The following SLC8B1 variants were observed in gnomAD, a reference collection of about 807,000 sequenced individuals.
The protein encoded by SLC8B1 is solute carrier family 8 member B1, also known as mitochondrial sodium/calcium exchanger protein.
Under a neutral mutation model 63.4 loss-of-function variants are expected in SLC8B1, and 52 were observed. That is an observed-to-expected ratio of 0.82 (90% confidence interval 0.66 to 1.03). The LOEUF is 1.03. Ranked by LOEUF, SLC8B1 falls within the 50% of genes least tolerant of loss-of-function variation. The pLI is 0.00. For synonymous variants in SLC8B1, 336 were observed against 323.9 expected, an observed-to-expected ratio of 1.04 and a Z score of -0.40; for missense variants, 657 against 741.7, an observed-to-expected ratio of 0.89 and a Z score of 1.33.
Position 113,315,422 on chromosome 12 carries a change from C to T in SLC8B1, c.1048G>A (p.Asp350Asn), listed in dbSNP as rs775601162. The change falls in exon 11 of 16, where the codon GAT becomes AAT. Residue 350 changes from aspartate to asparagine, a missense_variant. Physicochemically the swap from Asp to Asn is conservative, Grantham distance 23. Coordinates refer to ENST00000680972, the MANE Select transcript of SLC8B1 (RefSeq NM_001358345.2). ...LTVPVVDPDK[D>N]DQNWKRPLNC... is the part of the protein sequence containing the mutation. ...AGGGGCCGTTTCCAGTTCTGGTCAT[C>T]CTTGTCCGGGTCCACGACGGGGACT... The T allele has an allele frequency of 3.1e-6, 5 of 1,597,296 alleles. No individual in the cohort carries two copies. The South Asian group carries it at 5.7e-5, about 18-fold the overall frequency.
intron 11 of SLC8B1, among the ~76,000 whole-genome samples, chr12:113,311,449 CA>C (rs796106526): frequency 1.6e-4 from 23 of 141,912 alleles, no homozygotes; most frequent in East Asian, 6.1e-4. Flanking sequence ...GACTCCATCT[CA>C]AAAAAAAAAA....
Position 113,320,885 on chromosome 12 carries a change from T to A in SLC8B1, c.385A>T (p.Ile129Phe), listed in dbSNP as rs1956917193. 1 of 1,607,148 alleles carries A rather than the reference T, an allele frequency of 6.2e-7. No homozygotes were observed. Residue 129 changes from isoleucine to phenylalanine, a missense_variant, in exon 5 of 16, where the codon ATT becomes TTT. Coordinates refer to ENST00000680972, the MANE Select transcript of SLC8B1 (RefSeq NM_001358345.2). This position sits in a 1 kb window ranked among gnomAD's most constrained non-coding sequence, Gnocchi z 5.3. Reference sequence around the variant, plus strand: ...TGGGAGAGCTTCAGTGTGGTAGAAATGGCCGACAAGTTGGGGCAGAAACTA... The same window carrying A: ...TGGGAGAGCTTCAGTGTGGTAGAAAAGGCCGACAAGTTGGGGCAGAAACTA... ...AKFFCPNLSA[I>F]STTLKLSHNV...
At chr12:113,310,434 T>G (rs1403590443) in intron 11 of SLC8B1, 79 bp from the exon 12 acceptor site, 1 of 1,539,864 alleles carries the variant, frequency 6.5e-7, no homozygotes, top group Admixed American at 2.0e-5. Context: ...GGATGTCAGG[T>G]AGACACTTCC....
intron 8 of SLC8B1, 115 bp downstream of exon 8, chr12:113,318,849 A>G: frequency 1.4e-6 from 1 of 736,274 alleles, no homozygotes; most frequent in Non-Finnish European, 2.3e-6. Context: ...AAAGAGCATG[A>G]AGAGGAGATG....
In SLC8B1 at chr12:113,304,454, C is replaced by G; in HGVS notation, c.1493-69G>C. On this transcript the variant is annotated intron_variant, in intron 14 of 15. Transcript: ENST00000680972. Reference sequence around the variant, plus strand: ...AACCCAACCACATAGCCCGTTCCTCCTACTGTGTTCATCCCCAGGGCTTGG... The same window carrying G: ...AACCCAACCACATAGCCCGTTCCTCGTACTGTGTTCATCCCCAGGGCTTGG... 21 of 1,422,534 alleles carry G rather than the reference C, an allele frequency of 1.5e-5. 1 individual carries two copies. In the South Asian group the frequency reaches 2.3e-4, roughly 16 times the overall value. The allele number at this position is 1,422,534 out of a possible 1,614,324, so 88.1% of individuals were successfully genotyped here.
intron 2 of SLC8B1, among the ~76,000 whole-genome samples, chr12:113,329,264 C>T (rs563378924): frequency 2.0e-5 from 3 of 152,198 alleles, no homozygotes; most frequent in Middle Eastern, 3.2e-3. Context: ...TGCCCAGGAG[C>T]ACACAGCCCA....
intron 2 of SLC8B1, among the ~76,000 whole-genome samples, chr12:113,329,335 GA>G (rs950345341): frequency 6.6e-6 from 1 of 152,162 alleles, no homozygotes; most frequent in Admixed American, 6.5e-5. Context: ...AGCTCCTGAG[GA>G]AACTGCCCAA....
chr12:113,306,537 G>C lies in SLC8B1; in HGVS notation c.1450C>G (p.Pro484Ala). Reference sequence around the variant, plus strand: ...AAGCAGGCGGAGAACGCCATCCGTGGGTAGCCCTGGCGAGCCAGTGTGAAA... The same window carrying C: ...AAGCAGGCGGAGAACGCCATCCGTGCGTAGCCCTGGCGAGCCAGTGTGAAA... ...SDFTLARQGY[P>A]RMAFSACFGG... The change falls in exon 14 of 16, where the codon CCA becomes GCA. Residue 484 changes from proline (P) to alanine (A), a missense_variant. Transcript: ENST00000680972. 1.2e-6 allele frequency: 2 copies of C among 1,613,998 alleles called. No homozygotes were observed. The highest frequency in any genetic ancestry group is 1.7e-6 in the Non-Finnish European group (2 of 1,179,980).
At chr12:113,303,921 C>T (rs775612582) in intron 15 of SLC8B1, among the ~76,000 whole-genome samples, 8 of 152,164 alleles carry the variant, frequency 5.3e-5, no homozygotes, top group Non-Finnish European at 8.8e-5. Context: ...CACTCTGTCG[C>T]CCAGGCTGGA....
chr12:113,310,148 A>G, intron 12 of SLC8B1, 86 bp downstream of exon 12: 2 of 1,507,148 alleles, frequency 1.3e-6, no homozygotes, highest in Non-Finnish European at 1.8e-6. Context: ...AAACTGGTCA[A>G]AGTGCCTCAG....
chr12:113,299,890 G>GC lies in SLC8B1; in HGVS notation c.1641dup (p.Gln548AlafsTer28). 6.2e-7 allele frequency: 1 copy of GC among 1,614,240 alleles called. No individual in the cohort carries two copies. Among genetic ancestry groups the GC allele is most frequent in the Non-Finnish European group, 8.5e-7 (1 of 1,180,040 alleles). The stretch of plus-strand genomic sequence containing the variant: ...TAGACTCTGCTGAGCTGGAAGCACT[G>GC]CAATGGGACTGAGACCAGGGAGAAG... On this transcript the variant is annotated frameshift_variant, in exon 16 of 16. Coordinates refer to ENST00000680972, the MANE Select transcript of SLC8B1 (RefSeq NM_001358345.2). LOFTEE classifies it high-confidence loss of function.
intron 11 of SLC8B1, among the ~76,000 whole-genome samples, chr12:113,310,847 C>A (rs1956748516): frequency 6.6e-6 from 1 of 152,206 alleles, no homozygotes; most frequent in Non-Finnish European, 1.5e-5. Flanking sequence ...AAGGGAGACA[C>A]CCTAAGGTGA....
rs531848662 is a variant in SLC8B1 at position 113,320,543 on chromosome 12, G to A, written c.526+38C>T. The A allele has an allele frequency of 6.2e-7, 1 of 1,613,906 alleles. No individual in the cohort carries two copies. The highest frequency in any genetic ancestry group is 1.1e-5 in the South Asian group (1 of 91,080). On this transcript the variant is annotated intron_variant, in intron 6 of 15. Coordinates refer to ENST00000680972, the MANE Select transcript of SLC8B1 (RefSeq NM_001358345.2). This position sits in a 1 kb window ranked among gnomAD's most constrained non-coding sequence, Gnocchi z 5.3. ...GCTCAGCCACCCTGCACCCTCTCCTGCTGCTTTCCCCGCCCCCCTCACTGG... is the reference window on the plus strand; with the variant it reads ...GCTCAGCCACCCTGCACCCTCTCCTACTGCTTTCCCCGCCCCCCTCACTGG...
intron 2 of SLC8B1, among the ~76,000 whole-genome samples, chr12:113,324,505 C>T (rs1956972947): frequency 6.7e-6 from 1 of 148,288 alleles, no homozygotes; most frequent in African/African-American, 2.5e-5. Flanking sequence ...CTCTCGGGTT[C>T]AACTGATTCT....
At chr12:113,308,006 G>T in intron 12 of SLC8B1, 162 bp from the exon 13 acceptor site, 2 of 804,162 alleles carry the variant, frequency 2.5e-6, no homozygotes, top group Non-Finnish European at 3.7e-6. Flanking sequence ...CAAAGTTAGT[G>T]CTCAATAAAA....
At chr12:113,328,745 CTT>C (rs557008297) in intron 2 of SLC8B1, among the ~76,000 whole-genome samples, 1 of 139,744 alleles carries the variant, frequency 7.2e-6, no homozygotes. Flanking sequence ...CTCCCAGTTA[CTT>C]TTTTTTTTTT....
intron 9 of SLC8B1, 49 bp from the exon 10 acceptor site, chr12:113,316,705 T>G: frequency 6.2e-7 from 1 of 1,602,364 alleles, no homozygotes; most frequent in South Asian, 1.1e-5. Flanking sequence ...TGACTTGCTC[T>G]CCAGGAAACC....
At chr12:113,326,128 T>C (rs1241410123) in intron 2 of SLC8B1, among the ~76,000 whole-genome samples, 4 of 152,204 alleles carry the variant, frequency 2.6e-5, no homozygotes, top group Non-Finnish European at 4.4e-5. Context: ...TTTAAATGGT[T>C]GGGAGACATA....
intron 11 of SLC8B1, among the ~76,000 whole-genome samples, chr12:113,311,036 C>G (rs562407077): frequency 6.6e-6 from 1 of 152,124 alleles, no homozygotes; most frequent in Non-Finnish European, 1.5e-5. Flanking sequence ...GTGAGGAGGC[C>G]GGGTGTGGTG....
Sources: gnomAD v4.1 joint callset for allele counts (sites outside exome capture counted in the v4.1 genomes callset) on GRCh38, gnomAD v4.1.1 for gene constraint, Gnocchi (gnomAD v3.1) non-coding constraint, MANE v1.5 for transcripts, NCBI Gene and HGNC (gene_info 2026-07-23, HGNC 2026-07-21) for gene names.